Variants in HTR6 observed in about 807,000 individuals in gnomAD.
HTR6 encodes 5-hydroxytryptamine (serotonin) receptor 6, G protein-coupled.
A neutral mutation model predicts 17.4 loss-of-function variants in HTR6; 15 were observed. That is an observed-to-expected ratio of 0.86 (90% CI 0.58 to 1.33). The LOEUF is 1.33. Among genes scored for constraint, HTR6 ranks in the 40% most tolerant of loss-of-function variants. The probability of loss-of-function intolerance (pLI) is 0.00; values close to 1 mark genes in which losing one functional copy is unlikely to be tolerated. For synonymous variants in HTR6, 326 were observed against 295.5 expected (o/e 1.10, Z -1.06); for missense variants, 578 against 616.0 (o/e 0.94, Z 0.65).
At chr1:19,668,154 C>T (rs2100468581) in intron 1 of HTR6, among the ~76,000 whole-genome samples, 1 of 152,344 alleles carries the variant, frequency 6.6e-6, no homozygotes, top group South Asian at 2.1e-4. Flanking sequence ...GTAGAACATT[C>T]TTGAGTCTTG....
At chr1:19,673,061 G>T (rs952987354) in intron 1 of HTR6, among the ~76,000 whole-genome samples, 3 of 152,094 alleles carry the variant, frequency 2.0e-5, no homozygotes, top group Non-Finnish European at 4.4e-5. Context: ...TCACCACCTT[G>T]ACCCTTTCTA....
intron 1 of HTR6, among the ~76,000 whole-genome samples, chr1:19,668,457 G>C (rs1350207845): frequency 6.6e-6 from 1 of 152,048 alleles, no homozygotes; most frequent in Non-Finnish European, 1.5e-5. Flanking sequence ...AAAGTGCTAG[G>C]GTTACAGGCT....
chr1:19,678,582 C>T lies in HTR6; in HGVS notation c.730C>T (p.Arg244Cys), dbSNP rs61751019. 5.1e-5 allele frequency: 83 copies of T among 1,612,524 alleles called. No individual in the cohort carries two copies. The African/African-American group carries it at 7.9e-4, about 15-fold the overall frequency. ...CTTTCCGCAGGTGCCCAGGACCCCACGCCCAGGGGTGGAGTCTGCTGACAG... is the reference window on the plus strand; with the variant it reads ...CTTTCCGCAGGTGCCCAGGACCCCATGCCCAGGGGTGGAGTCTGCTGACAG... Reference protein sequence around the residue: ...SETLQVPRTPRPGVESADSRR... With the variant: ...SETLQVPRTPCPGVESADSRR... The change falls in exon 2 of 3, where the codon CGC (arginine) becomes TGC (cysteine). Residue 244 changes from arginine to cysteine, a missense_variant. Coordinates refer to ENST00000289753, the MANE Select transcript of HTR6 (RefSeq NM_000871.3).
chr1:19,668,430 T>C (rs1252962949), intron 1 of HTR6, among the ~76,000 whole-genome samples: 1 of 152,094 alleles, frequency 6.6e-6, no homozygotes, highest in Non-Finnish European at 1.5e-5. Context: ...CAAGCGATCC[T>C]CCTGTCTTGG....
In HTR6 at chr1:19,665,811, C is replaced by T. The variant is rs1364507220; in HGVS notation, c.58C>T (p.Pro20Ser). The T allele has an allele frequency of 2.0e-6, 3 of 1,529,272 alleles. No individual in the cohort carries two copies. In the South Asian group the frequency reaches 3.9e-5, roughly 20 times the overall value. The allele number at this position is 1,529,272 out of a possible 1,614,324, so 94.7% of individuals were successfully genotyped here. The change falls in exon 1 of 3, where the codon CCG (proline) becomes TCG (serine). Residue 20 changes from proline (P) to serine (S), a missense_variant. Pro to Ser is a moderately conservative substitution (Grantham distance 74). Transcript: ENST00000289753. This position sits in a 1 kb window ranked among gnomAD's most constrained non-coding sequence, Gnocchi z 4.2. ...NSTPAWGAGPPSAPGGSGWVA... is the reference protein window; with the variant it reads ...NSTPAWGAGPSSAPGGSGWVA... Reference sequence around the variant, plus strand: ...CACCCCGGCCTGGGGGGCAGGGCCGCCGTCGGCCCCGGGGGGCAGCGGCTG... The same window carrying T: ...CACCCCGGCCTGGGGGGCAGGGCCGTCGTCGGCCCCGGGGGGCAGCGGCTG...
chr1:19,668,053 C>A (rs2095083729), intron 1 of HTR6, among the ~76,000 whole-genome samples: 1 of 152,218 alleles, frequency 6.6e-6, no homozygotes, highest in Non-Finnish European at 1.5e-5. Context: ...CCCAAAGTTG[C>A]CCCTGCCTAT....
At chr1:19,674,340 C>A (rs2095091719) in intron 1 of HTR6, among the ~76,000 whole-genome samples, 1 of 150,650 alleles carries the variant, frequency 6.6e-6, no homozygotes. Flanking sequence ...TTGATTCATT[C>A]TTTTAAAACA....
At chr1:19,671,421 G>A (rs555950391) in intron 1 of HTR6, among the ~76,000 whole-genome samples, 1 of 152,120 alleles carries the variant, frequency 6.6e-6, no homozygotes, top group Admixed American at 6.5e-5. Context: ...AATCCACTCG[G>A]CTCCTTAAGT....
intron 1 of HTR6, among the ~76,000 whole-genome samples, chr1:19,671,809 T>C (rs1294178325): frequency 2.6e-5 from 4 of 152,160 alleles, no homozygotes; most frequent in Non-Finnish European, 5.9e-5. Context: ...TGTCTATTTA[T>C]GGAAATGGGC....
chr1:19,670,352 C>T (rs905173295), intron 1 of HTR6, among the ~76,000 whole-genome samples: 1 of 151,972 alleles, frequency 6.6e-6, no homozygotes, highest in African/African-American at 2.4e-5. Flanking sequence ...TTATTTCTCT[C>T]AGCAGCACCT....
chr1:19,678,935 T>A lies in HTR6; in HGVS notation c.890T>A (p.Ile297Asn). Residue 297 changes from isoleucine to asparagine, a missense_variant, in exon 3 of 3, where the codon ATC becomes AAC. Physicochemically the swap from Ile to Asn is moderately radical, Grantham distance 149. Coordinates refer to ENST00000289753, the MANE Select transcript of HTR6 (RefSeq NM_000871.3). ...TCCCCCCAGGCCGTGTGCGACTGCA[T>A]CTCCCCAGGCCTCTTCGATGTCCTC... is the stretch of plus-strand genomic sequence containing the variant. ...ANIVQAVCDC[I>N]SPGLFDVLTW... The A allele has an allele frequency of 1.2e-6, 2 of 1,603,292 alleles. No individual in the cohort carries two copies. The highest frequency in any genetic ancestry group is 1.7e-6 in the Non-Finnish European group (2 of 1,171,574).
chr1:19,676,214 A>T (rs1038212566), intron 1 of HTR6, among the ~76,000 whole-genome samples: 82 of 152,230 alleles, frequency 5.4e-4, no homozygotes, highest in African/African-American at 1.6e-3. Context: ...TGCATTTATT[A>T]TCCATAGCTT....
intron 1 of HTR6, among the ~76,000 whole-genome samples, chr1:19,667,447 G>A (rs551701500): frequency 6.1e-4 from 93 of 151,284 alleles, no homozygotes; most frequent in Admixed American, 2.7e-3. Flanking sequence ...ACGGAGTCTC[G>A]CTCTGTTGCC....
At position 19,680,292 on chromosome 1, in the gene HTR6, G is replaced by A. The variant is rs1291196090; in HGVS notation, c.*924G>A. Among the ~76,000 whole-genome samples, 9 of 152,172 alleles carry A rather than the reference G, an allele frequency of 5.9e-5. No homozygotes were observed. Among genetic ancestry groups the A allele is most frequent in the South Asian group, 4.1e-4 (2 of 4,834 alleles). ...GTGTCAGGAAGGGCTCTTTGCTCCCGTTGTTCTCTTTCCATTTGCCTCCCC... is the reference window on the plus strand; with the variant it reads ...GTGTCAGGAAGGGCTCTTTGCTCCCATTGTTCTCTTTCCATTTGCCTCCCC... On this transcript the variant is annotated 3_prime_UTR_variant, in exon 3 of 3. Transcript: ENST00000289753.
intron 1 of HTR6, among the ~76,000 whole-genome samples, chr1:19,672,402 TC>T (rs2095089282): frequency 1.6e-5 from 1 of 61,158 alleles, no homozygotes; most frequent in Non-Finnish European, 6.6e-5. Flanking sequence ...TCTCTGTCTT[TC>T]CTCCTCCTCA....
intron 1 of HTR6, among the ~76,000 whole-genome samples, chr1:19,675,592 C>T (rs940638728): frequency 2.0e-5 from 3 of 152,066 alleles, no homozygotes; most frequent in African/African-American, 7.2e-5. Context: ...GGAGCTCCTT[C>T]CCCCAATGAT....
chr1:19,666,083 C>G lies in HTR6; in HGVS notation c.330C>G (p.Cys110Trp), dbSNP rs753228453. The change falls in exon 1 of 3, where the codon TGC becomes TGG. Residue 110 changes from cysteine to tryptophan, a missense_variant. Cys to Trp is a radical substitution (Grantham distance 215, BLOSUM62 -2). Coordinates refer to ENST00000289753, the MANE Select transcript of HTR6 (RefSeq NM_000871.3). The surrounding 1 kb of genome is among the most constrained non-coding windows in gnomAD (Gnocchi z 4.5). The part of the protein sequence containing the change: ...LLWTAFDVMC[C>W]SASILNLCLI... ...GGACCGCCTTCGACGTGATGTGCTG[C>G]AGCGCCTCCATCCTCAACCTCTGCC... is the stretch of plus-strand genomic sequence containing the variant. 9 of 1,612,690 alleles carry G rather than the reference C, an allele frequency of 5.6e-6. No homozygotes were observed. The highest frequency in any genetic ancestry group is 6.8e-6 in the Non-Finnish European group (8 of 1,179,850).
rs1343148854 is a variant in HTR6 at position 19,679,963 on chromosome 1, T to C, written c.*595T>C. ...TTAACCCTCAGAATGATTTGCTGGA[T>C]GGTTTTTGGACCTGTCAGTCTCCCC... On this transcript the variant is annotated 3_prime_UTR_variant, in exon 3 of 3. Transcript: ENST00000289753. The surrounding 1 kb of genome is among the most constrained non-coding windows in gnomAD (Gnocchi z 4.9). Among the ~76,000 whole-genome samples the C allele has an allele frequency of 6.6e-6, 1 of 152,176 alleles. No homozygotes were observed. Among genetic ancestry groups the C allele is most frequent in the African/African-American group, 2.4e-5 (1 of 41,438 alleles).
rs1456911765 is a variant in HTR6, at chr1:19,664,980, A to T, written c.-774A>T. On this transcript the variant is annotated 5_prime_UTR_variant, in exon 1 of 3. Coordinates refer to ENST00000289753, the MANE Select transcript of HTR6 (RefSeq NM_000871.3). This position sits in a 1 kb window ranked among gnomAD's most constrained non-coding sequence, Gnocchi z 4.7. ...GCCCGCGGCCGCCTCTTCCTCTCGC[A>T]GCCCCGCGGCGCTTGCCGCAGTCGC... is the stretch of plus-strand genomic sequence containing the variant. 6.6e-6 allele frequency among the ~76,000 whole-genome samples: 1 copy of T among 150,558 alleles called. No homozygotes were observed. The highest frequency in any genetic ancestry group is 1.5e-5 in the Non-Finnish European group (1 of 67,486).
Sources: allele counts gnomAD v4.1 joint callset (sites outside exome capture counted in the v4.1 genomes callset), GRCh38; gene constraint gnomAD v4.1.1; non-coding constraint Gnocchi (gnomAD v3.1); transcripts MANE v1.5; gene names NCBI Gene and HGNC (gene_info 2026-07-23, HGNC 2026-07-21).